ADCY8: variants seen among roughly 807,000 people sequenced by gnomAD.
The protein encoded by ADCY8 is adenylate cyclase type 8.
Under a neutral mutation model 119.7 loss-of-function variants are expected in ADCY8, and 51 were observed. The ratio of observed to expected loss-of-function variants is 0.43; its 90% CI spans 0.34 to 0.54. ADCY8 has a LOEUF of 0.54. Among genes scored for constraint, ADCY8 ranks in the 20% least tolerant of loss-of-function variants. The pLI, the probability that ADCY8 is intolerant of heterozygous loss-of-function variation, is 0.03. For synonymous variants in ADCY8, 665 were observed against 651.0 expected (o/e 1.02, Z -0.33); for missense variants, 1,383 against 1,598.8 (o/e 0.87, Z 2.30).
intron 2 of ADCY8, among the ~76,000 whole-genome samples, chr8:130,971,081 C>T (rs937523028): frequency 2.0e-5 from 3 of 152,282 alleles, no homozygotes; most frequent in East Asian, 1.9e-4. Context: ...GTGAATCTTA[C>T]ACCTCTTTAG....
intron 17 of ADCY8, among the ~76,000 whole-genome samples, chr8:130,782,102 G>C (rs1469916697): frequency 6.6e-6 from 1 of 152,122 alleles, no homozygotes; most frequent in African/African-American, 2.4e-5. Flanking sequence ...GGAGTAAGGA[G>C]GTTAGCAAAG....
chr8:130,948,771 G>A (rs1461256191), intron 3 of ADCY8, among the ~76,000 whole-genome samples: 2 of 152,090 alleles, frequency 1.3e-5, no homozygotes, highest in Non-Finnish European at 2.9e-5. Context: ...GTTGCTTTGG[G>A]GGCTGGGGAA....
intron 1 of ADCY8, among the ~76,000 whole-genome samples, chr8:131,035,090 G>A (rs1161859926): frequency 6.6e-6 from 1 of 152,082 alleles, no homozygotes; most frequent in Non-Finnish European, 1.5e-5. Flanking sequence ...ATTTCCTGGT[G>A]GATAAATCGA....
chr8:130,993,753 A>G (rs1276076233), intron 1 of ADCY8, among the ~76,000 whole-genome samples: 1 of 152,210 alleles, frequency 6.6e-6, no homozygotes, highest in African/African-American at 2.4e-5. Context: ...TGGAACTCTG[A>G]GTCCATTAAT....
Position 130,804,202 on chromosome 8 carries a change from C to T in ADCY8, c.2914-3630G>A, listed in dbSNP as rs556099007. Reference sequence around the variant, plus strand: ...CTGTTGTAATAAAGGACCATAGACTCTGTGGCTTAAACAACAGATGTTAGT... The same window carrying T: ...CTGTTGTAATAAAGGACCATAGACTTTGTGGCTTAAACAACAGATGTTAGT... On this transcript the variant is annotated intron_variant, in intron 14 of 17. Coordinates refer to ENST00000286355, the MANE Select transcript of ADCY8 (RefSeq NM_001115.3). Among the ~76,000 whole-genome samples, 9 of 152,306 alleles carry T rather than the reference C, an allele frequency of 5.9e-5. No homozygotes were observed. In the East Asian group the frequency reaches 1.7e-3, roughly 29 times the overall value.
At chr8:130,870,937 G>A (rs1351443828) in intron 8 of ADCY8, among the ~76,000 whole-genome samples, 6 of 151,994 alleles carry the variant, frequency 3.9e-5, no homozygotes, top group Admixed American at 6.6e-5. Context: ...TAAGTTTGGC[G>A]TTAATGTAGT....
intron 7 of ADCY8, among the ~76,000 whole-genome samples, chr8:130,889,989 T>C (rs1819126673): frequency 6.6e-6 from 1 of 152,090 alleles, no homozygotes; most frequent in African/African-American, 2.4e-5. Context: ...AATTAGGTGA[T>C]TGTTTCTCTA....
At chr8:131,023,997 A>G (rs1364520322) in intron 1 of ADCY8, among the ~76,000 whole-genome samples, 1 of 152,214 alleles carries the variant, frequency 6.6e-6, no homozygotes, top group Non-Finnish European at 1.5e-5. Flanking sequence ...AGTGTTCTAG[A>G]TACAGGGCAA....
chr8:131,025,000 A>T (rs1823780423), intron 1 of ADCY8, among the ~76,000 whole-genome samples: 1 of 152,206 alleles, frequency 6.6e-6, no homozygotes. Flanking sequence ...TGAGAGCTGT[A>T]AGGAAACTCA....
chr8:131,016,518 T>TA (rs1823479106), intron 1 of ADCY8, among the ~76,000 whole-genome samples: 1 of 151,974 alleles, frequency 6.6e-6, no homozygotes, highest in South Asian at 2.1e-4. Context: ...TTTTAAAAAA[T>TA]AAAAAAAGAA....
intron 7 of ADCY8, among the ~76,000 whole-genome samples, chr8:130,897,784 CAT>C (rs1819452450): frequency 6.6e-6 from 1 of 151,488 alleles, no homozygotes; most frequent in Admixed American, 6.6e-5. Context: ...TATATACACA[CAT>C]CTCACACACA....
At chr8:130,848,071 C>G (rs774349866) in intron 10 of ADCY8, among the ~76,000 whole-genome samples, 7 of 152,172 alleles carry the variant, frequency 4.6e-5, no homozygotes, top group Non-Finnish European at 1.0e-4. Context: ...CTCACAACCA[C>G]CTTGTGATGT....
chr8:130,937,891 A>G (rs555926763), intron 4 of ADCY8, among the ~76,000 whole-genome samples: 1 of 152,272 alleles, frequency 6.6e-6, no homozygotes, highest in South Asian at 2.1e-4. Flanking sequence ...ACAACCCTCT[A>G]AGGTGGGTTG....
chr8:130,856,645 A>G (rs1381294341), intron 9 of ADCY8, among the ~76,000 whole-genome samples: 2 of 152,120 alleles, frequency 1.3e-5, no homozygotes, highest in Non-Finnish European at 2.9e-5. Context: ...TATTAATTGG[A>G]TAACACATAA....
At chr8:130,789,647 G>A (rs1326741665) in intron 15 of ADCY8, among the ~76,000 whole-genome samples, 1 of 152,164 alleles carries the variant, frequency 6.6e-6, no homozygotes, top group African/African-American at 2.4e-5. Flanking sequence ...ATTTTATATA[G>A]GAGGAATTTG....
intron 3 of ADCY8, among the ~76,000 whole-genome samples, chr8:130,948,183 T>C (rs1821161278): frequency 1.3e-5 from 2 of 152,298 alleles, no homozygotes; most frequent in South Asian, 4.1e-4. Flanking sequence ...ATGAATAAAC[T>C]TGATTGAGTT....
At chr8:130,881,351 G>C (rs10098660) in intron 8 of ADCY8, among the ~76,000 whole-genome samples, 75,881 of 152,006 alleles carry the variant, frequency 0.5, 19,053 homozygotes, top group East Asian at 0.64. Flanking sequence ...CAGGGAATGT[G>C]TGAATGATAT....
chr8:130,899,611 A>C (rs1819529298), intron 7 of ADCY8, among the ~76,000 whole-genome samples: 1 of 151,476 alleles, frequency 6.6e-6, no homozygotes, highest in Non-Finnish European at 1.5e-5. Flanking sequence ...ATCTCAATAA[A>C]AAAAAAAAAG....
At chr8:130,963,664 T>A (rs1329458086) in intron 2 of ADCY8, among the ~76,000 whole-genome samples, 1 of 152,024 alleles carries the variant, frequency 6.6e-6, no homozygotes, top group African/African-American at 2.4e-5. Flanking sequence ...CCAGCAGTAG[T>A]TTGATGAATA....
Sources: gnomAD v4.1 joint callset for allele counts (sites outside exome capture counted in the v4.1 genomes callset) on GRCh38, gnomAD v4.1.1 for gene constraint, MANE v1.5 for transcripts, NCBI Gene and HGNC (gene_info 2026-07-23, HGNC 2026-07-21) for gene names.